Variants in COX11 observed in about 807,000 individuals in gnomAD.
The protein encoded by COX11 is cytochrome c oxidase assembly protein COX11, mitochondrial.
Under a neutral mutation model 29.4 loss-of-function variants are expected in COX11, and 18 were observed. The observed-to-expected ratio is 0.61, with a 90% CI of 0.42 to 0.91. The LOEUF is 0.91. Among genes scored for constraint, COX11 ranks in the 40% least tolerant of loss-of-function variants. The probability of loss-of-function intolerance (pLI) is 0.00; values close to 1 mark genes in which losing one functional copy is unlikely to be tolerated. For missense variants in COX11, 312 were observed against 346.0 expected (o/e 0.90, Z 0.78); for synonymous variants, 131 against 124.0 (o/e 1.06, Z -0.38).
chr17:54,961,965 T>A lies in COX11; in HGVS notation c.*768A>T, dbSNP rs985704647. The A allele has an allele frequency of 3.0e-5, 3 of 99,844 alleles. No homozygotes were observed. The highest frequency in any genetic ancestry group is 1.5e-4 in the African/African-American group (2 of 13,552). 6.2% of individuals were successfully genotyped at this position (99,844 alleles called of 1,614,324 possible). Reference sequence around the variant, plus strand: ...AATCACTATTAAAACAATTTAATACTTTTTTTTTTTAACAAAGGTTTGTTT... The same window carrying A: ...AATCACTATTAAAACAATTTAATACATTTTTTTTTTAACAAAGGTTTGTTT... On this transcript the variant is annotated 3_prime_UTR_variant, in exon 4 of 4. Coordinates refer to ENST00000299335, the MANE Select transcript of COX11 (RefSeq NM_004375.5).
intron 1 of COX11, 30 bp downstream of exon 1, chr17:54,968,251 C>A: frequency 6.3e-7 from 1 of 1,596,654 alleles, no homozygotes; most frequent in Non-Finnish European, 8.5e-7. Context: ...CTCGCGTCTG[C>A]GCCACCCTGC....
exon 1 of COX11, chr17:54,954,681 G>A (rs772783935): frequency 6.6e-6 from 1 of 152,214 alleles, no homozygotes; most frequent in Non-Finnish European, 1.5e-5. Flanking sequence ...GTAGTAAAGG[G>A]ACTCTTCTTA....
rs2077155384 is a variant in COX11, at chr17:54,962,922, AT to A, written c.649-8del. 6.2e-7 allele frequency: 1 copy of A among 1,601,572 alleles called. No homozygotes were observed. The highest frequency in any genetic ancestry group is 8.5e-7 in the Non-Finnish European group (1 of 1,173,574). On this transcript the variant is annotated splice_region_variant and splice_polypyrimidine_tract_variant and intron_variant, in intron 3 of 3. Coordinates refer to ENST00000299335, the MANE Select transcript of COX11 (RefSeq NM_004375.5). ...GTTCTTCAAAACAGAAGCACTGGAA[AT>A]TATAGAAAGATTTTAATAACATTTC...
chr17:54,968,765 A>G (rs928970980), upstream of COX11: 6 of 1,234,926 alleles, frequency 4.9e-6, no homozygotes. Flanking sequence ...CAGGCTCCTC[A>G]GGTGGCAGCG....
At chr17:54,963,538 C>G (rs1490128834) in intron 2 of COX11, 107 bp from the exon 3 acceptor site, 10 of 1,087,274 alleles carry the variant, frequency 9.2e-6, no homozygotes, top group Non-Finnish European at 1.3e-5. Context: ...ACCATAATAC[C>G]TAATCTAATG....
downstream of COX11, chr17:54,958,361 G>T (rs1470958922): frequency 1.3e-5 from 2 of 152,208 alleles, no homozygotes; most frequent in African/African-American, 4.8e-5. Context: ...CAGTGCATTT[G>T]AAAAGCACAT....
chr17:54,960,421 C>G, downstream of COX11: 1 of 641,110 alleles, frequency 1.6e-6, no homozygotes, highest in South Asian at 1.9e-5. Flanking sequence ...AGAATACACA[C>G]TTCAGGGCAG....
rs1215758607 is a variant in COX11 at position 54,961,626 on chromosome 17, G to T, written c.*1107C>A. The T allele has an allele frequency of 9.0e-7, 1 of 1,109,470 alleles. No homozygotes were observed. The highest frequency in any genetic ancestry group is 1.6e-5 in the African/African-American group (1 of 60,748). 68.7% of individuals were successfully genotyped at this position (1,109,470 alleles called of 1,614,324 possible). On this transcript the variant is annotated 3_prime_UTR_variant, in exon 4 of 4. Transcript: ENST00000299335. ...CTGAATAGATGAAAGCATAAAATGT[G>T]AGAAACTGAATGTATTATTCAGGAA... is the stretch of plus-strand genomic sequence containing the variant.
At chr17:54,955,878 C>A (rs931980961), downstream of COX11, among the ~76,000 whole-genome samples, 9 of 152,180 alleles carry the variant, frequency 5.9e-5, no homozygotes, top group Non-Finnish European at 1.0e-4. Flanking sequence ...CTTCTACTCT[C>A]CCAGAGAGGT....
downstream of COX11, chr17:54,957,098 T>C (rs753805878): frequency 6.6e-6 from 1 of 152,240 alleles, no homozygotes. Context: ...AAGCAGGTGA[T>C]TACTCAAGTT....
chr17:54,963,088 CT>C, intron 3 of COX11, 173 bp from the exon 4 acceptor site: 1 of 792,288 alleles, frequency 1.3e-6, no homozygotes, highest in South Asian at 2.0e-5. Flanking sequence ...ATGAGTTCTG[CT>C]TTAAGGATGA....
At chr17:54,966,525 T>C (rs1168223764) in intron 1 of COX11, among the ~76,000 whole-genome samples, 2 of 152,176 alleles carry the variant, frequency 1.3e-5, no homozygotes, top group Non-Finnish European at 2.9e-5. Flanking sequence ...GTTGGTTATT[T>C]AGTAGCATTC....
At chr17:54,963,608 T>TAGTTTTTAACTAAGTTTAA (rs1316232304) in intron 2 of COX11, among the ~76,000 whole-genome samples, 177 bp from the exon 3 acceptor site, 1 of 152,120 alleles carries the variant, frequency 6.6e-6, no homozygotes, top group Admixed American at 6.5e-5. Flanking sequence ...TTTAAAAACT[T>TAGTTTTTAACTAAGTTTAA]ACTTGCATAT....
chr17:54,968,698 C>T (rs769658362), upstream of COX11: 1 of 1,566,098 alleles, frequency 6.4e-7, no homozygotes, highest in Non-Finnish European at 8.6e-7. Flanking sequence ...GGTCAAATCT[C>T]GCGAGGCGTG....
chr17:54,955,451 G>C (rs1209628577), downstream of COX11, among the ~76,000 whole-genome samples: 7 of 152,022 alleles, frequency 4.6e-5, no homozygotes, highest in Non-Finnish European at 1.0e-4. Flanking sequence ...TTGAAACTTG[G>C]GTCTCCTCAT....
At position 54,961,982 on chromosome 17, in the gene COX11, GGTTT is replaced by G. The variant is rs2077138261; in HGVS notation, c.*747_*750del. 2 of 965,356 alleles carry G rather than the reference GGTTT, an allele frequency of 2.1e-6. No individual in the cohort carries two copies. Among genetic ancestry groups the G allele is most frequent in the Non-Finnish European group, 2.5e-6 (2 of 812,164 alleles). 59.8% of individuals were successfully genotyped at this position (965,356 alleles called of 1,614,324 possible). Reference sequence around the variant, plus strand: ...TTTAATACTTTTTTTTTTTAACAAAGGTTTGTTTCCAGAAGAACTTTTGATGTCA... The same window carrying G: ...TTTAATACTTTTTTTTTTTAACAAAGGTTTCCAGAAGAACTTTTGATGTCA... On this transcript the variant is annotated 3_prime_UTR_variant, in exon 4 of 4. Coordinates refer to ENST00000299335, the MANE Select transcript of COX11 (RefSeq NM_004375.5).
In COX11 at chr17:54,963,299, G is replaced by A. The variant is rs780726321; in HGVS notation, c.648+7C>T. ...TCATATTCTGTAAAGTTTACACTTTGATGTACCTGTATTTTATTGAAATAC... is the reference window on the plus strand; with the variant it reads ...TCATATTCTGTAAAGTTTACACTTTAATGTACCTGTATTTTATTGAAATAC... On this transcript the variant is annotated splice_region_variant and intron_variant, in intron 3 of 3. Coordinates refer to ENST00000299335, the MANE Select transcript of COX11 (RefSeq NM_004375.5). 4.4e-6 allele frequency: 7 copies of A among 1,607,372 alleles called. No individual in the cohort carries two copies. Among genetic ancestry groups the A allele is most frequent in the Non-Finnish European group, 6.0e-6 (7 of 1,176,378 alleles).
chr17:54,953,932 A>G lies in COX11; in HGVS notation n.1218T>C, dbSNP rs201143060. On this transcript the variant is annotated non_coding_transcript_exon_variant, in exon 1 of 1. Coordinates refer to the COX11 transcript ENST00000572088. ...AATTCTGGAGGCATTCTTATTATCA[A>G]TTTAGGAATGCTGATGGATTTTCAT... is the stretch of plus-strand genomic sequence containing the variant. 7.2e-5 allele frequency: 11 copies of G among 152,132 alleles called. No homozygotes were observed. In the East Asian group the frequency reaches 1.5e-3, roughly 21 times the overall value. 9.4% of individuals were successfully genotyped at this position (152,132 alleles called of 1,614,324 possible).
Position 54,961,237 on chromosome 17 carries a change from GA to G in COX11, c.*1495del, listed in dbSNP as rs1567853263. 6.5e-7 allele frequency: 1 copy of G among 1,532,538 alleles called. No homozygotes were observed. The highest frequency in any genetic ancestry group is 8.9e-7 in the Non-Finnish European group (1 of 1,129,512). The allele number at this position is 1,532,538 out of a possible 1,614,324, so 94.9% of individuals were successfully genotyped here. On this transcript the variant is annotated 3_prime_UTR_variant, in exon 4 of 4. Transcript: ENST00000299335. ...CCATTTTCTTCTCTTTATTTTAGAAGAAAGTGGATGATCAGCTCACTACCAC... is the reference window on the plus strand; with the variant it reads ...CCATTTTCTTCTCTTTATTTTAGAAGAAGTGGATGATCAGCTCACTACCAC...
Sources: allele counts gnomAD v4.1 joint callset (sites outside exome capture counted in the v4.1 genomes callset), GRCh38; gene constraint gnomAD v4.1.1; transcripts MANE v1.5; gene names NCBI Gene and HGNC (gene_info 2026-07-23, HGNC 2026-07-21).